IMPG2: variants seen among roughly 807,000 people sequenced by gnomAD.
IMPG2 encodes IPM 200.
Under a neutral mutation model 129.2 loss-of-function variants are expected in IMPG2, and 91 were observed. The ratio of observed to expected loss-of-function variants is 0.70; its 90% CI spans 0.59 to 0.84. The LOEUF is 0.84. Ranked by LOEUF, IMPG2 falls within the 40% of genes least tolerant of loss-of-function variation. The pLI, the probability that IMPG2 is intolerant of heterozygous loss-of-function variation, is 0.00. For synonymous variants in IMPG2, 510 were observed against 517.7 expected (o/e 0.99, Z 0.20); for missense variants, 1,430 against 1,461.7 (o/e 0.98, Z 0.35).
chr3:101,319,911 T>C, intron 1 of IMPG2, 79 bp from the exon 2 acceptor site: 6 of 1,450,424 alleles, frequency 4.1e-6, no homozygotes, highest in Non-Finnish European at 5.7e-6. Flanking sequence ...AAACTGACAC[T>C]TGGGCTACAT....
Position 101,256,461 on chromosome 3 carries a change from G to T in IMPG2, c.1153+1068C>A, listed in dbSNP as rs946646316. Among the ~76,000 whole-genome samples the T allele has an allele frequency of 5.9e-5, 9 of 152,034 alleles. No homozygotes were observed. In the South Asian group the frequency reaches 1.9e-3, roughly 32 times the overall value. ...CCAAGCCCCAACTCAAAAAAATCTT[G>T]ATTCCTATGTTCTTCCCTACCTTGC... On this transcript the variant is annotated intron_variant, in intron 10 of 18. Transcript: ENST00000193391.
chr3:101,243,686 C>A lies in IMPG2; in HGVS notation c.2645G>T (p.Trp882Leu), dbSNP rs1576747979. 6.2e-7 allele frequency: 1 copy of A among 1,614,058 alleles called. No homozygotes were observed. Reference sequence around the variant, plus strand: ...CAAGTCATCTCCTCCTTCTGTGGGCCAAGCCACACTAACCATCTCTGTGGA... The same window carrying A: ...CAAGTCATCTCCTCCTTCTGTGGGCAAAGCCACACTAACCATCTCTGTGGA... Reference protein sequence around the residue: ...VHSTEMVSVAWPTEGGDDLSY... With the variant: ...VHSTEMVSVALPTEGGDDLSY... Residue 882 changes from tryptophan to leucine, a missense_variant, in exon 13 of 19, where the codon TGG becomes TTG. Coordinates refer to ENST00000193391, the MANE Select transcript of IMPG2 (RefSeq NM_016247.4).
intron 14 of IMPG2, 133 bp from the exon 15 acceptor site, chr3:101,233,124 G>T: frequency 1.3e-6 from 1 of 776,502 alleles, no homozygotes; most frequent in Non-Finnish European, 2.2e-6. Flanking sequence ...GTACACCATC[G>T]CCACCAATAC....
At chr3:101,267,935 T>C (rs1706739297) in intron 8 of IMPG2, among the ~76,000 whole-genome samples, 1 of 152,154 alleles carries the variant, frequency 6.6e-6, no homozygotes, top group African/African-American at 2.4e-5. Context: ...TAGGTAAATG[T>C]CAGGACTGAC....
intron 4 of IMPG2, among the ~76,000 whole-genome samples, chr3:101,290,011 ATGAT>A (rs1462586303): frequency 6.6e-6 from 1 of 151,654 alleles, no homozygotes; most frequent in Admixed American, 6.6e-5. Flanking sequence ...TTGTGACGAA[ATGAT>A]TGATATAGCT....
At chr3:101,265,930 G>A (rs1706716995) in intron 9 of IMPG2, among the ~76,000 whole-genome samples, 1 of 151,954 alleles carries the variant, frequency 6.6e-6, no homozygotes, top group Admixed American at 6.6e-5. Context: ...CATAGAAATG[G>A]CCAAAAAATA....
intron 11 of IMPG2, among the ~76,000 whole-genome samples, chr3:101,250,640 C>T (rs916484194): frequency 2.0e-5 from 3 of 152,166 alleles, no homozygotes; most frequent in Non-Finnish European, 4.4e-5. Context: ...AGCTATTCAT[C>T]CAGAGGTCTC....
At chr3:101,268,509 T>C (rs935272168) in intron 8 of IMPG2, among the ~76,000 whole-genome samples, 1 of 152,168 alleles carries the variant, frequency 6.6e-6, no homozygotes, top group Non-Finnish European at 1.5e-5. Flanking sequence ...TAAACAACAC[T>C]GGGAAAATTA....
chr3:101,241,709 A>T (rs1706409689), intron 14 of IMPG2, among the ~76,000 whole-genome samples: 1 of 152,136 alleles, frequency 6.6e-6, no homozygotes, highest in Non-Finnish European at 1.5e-5. Context: ...TAAAAGCTCC[A>T]GGTGTTAGGA....
At chr3:101,238,319 T>TCC (rs1706369608) in intron 14 of IMPG2, among the ~76,000 whole-genome samples, 1 of 152,010 alleles carries the variant, frequency 6.6e-6, no homozygotes, top group Admixed American at 6.6e-5. Context: ...CAGGAGAACT[T>TCC]CCCCAACCTA....
chr3:101,228,688 G>T, intron 18 of IMPG2, 109 bp downstream of exon 18: 1 of 845,218 alleles, frequency 1.2e-6, no homozygotes, highest in Non-Finnish European at 2.0e-6. Flanking sequence ...TTATCACGGA[G>T]ACTCCTGTCA....
chr3:101,241,561 C>T (rs757760145), intron 14 of IMPG2, among the ~76,000 whole-genome samples: 3 of 151,998 alleles, frequency 2.0e-5, no homozygotes, highest in African/African-American at 7.2e-5. Context: ...GGAGGAGGAG[C>T]ACGAGAGGAT....
chr3:101,295,747 G>A (rs1303372212), intron 3 of IMPG2, among the ~76,000 whole-genome samples: 2 of 152,042 alleles, frequency 1.3e-5, no homozygotes, highest in Non-Finnish European at 2.9e-5. Context: ...AACAGTGAGT[G>A]GTTTGTAGTT....
intron 11 of IMPG2, among the ~76,000 whole-genome samples, chr3:101,248,431 T>C (rs1706508507): frequency 6.6e-6 from 1 of 152,154 alleles, no homozygotes; most frequent in Non-Finnish European, 1.5e-5. Context: ...CAGTCTCAGG[T>C]ATGTCTTTAT....
At chr3:101,268,746 C>A (rs200906072) in intron 8 of IMPG2, among the ~76,000 whole-genome samples, 2 of 152,206 alleles carry the variant, frequency 1.3e-5, no homozygotes, top group East Asian at 3.9e-4. Context: ...TAAACTTGGG[C>A]TAGAGCATCA....
At chr3:101,307,708 G>A (rs1317519176) in intron 2 of IMPG2, among the ~76,000 whole-genome samples, 2 of 152,086 alleles carry the variant, frequency 1.3e-5, no homozygotes, top group African/African-American at 4.8e-5. Flanking sequence ...ATTTTGGGTG[G>A]GGATACAGGC....
At chr3:101,295,872 A>G (rs1330158261) in intron 3 of IMPG2, among the ~76,000 whole-genome samples, 2 of 152,072 alleles carry the variant, frequency 1.3e-5, no homozygotes, top group African/African-American at 4.8e-5. Context: ...CTTGTCTATA[A>G]TTGGTGTATA....
intron 7 of IMPG2, among the ~76,000 whole-genome samples, chr3:101,270,087 G>A (rs1367224347): frequency 1.3e-5 from 2 of 151,664 alleles, no homozygotes; most frequent in Admixed American, 6.6e-5. Context: ...ACAGGTGTGC[G>A]CCACCATGCT....
At chr3:101,293,810 A>G (rs1226715842) in intron 3 of IMPG2, among the ~76,000 whole-genome samples, 1 of 152,204 alleles carries the variant, frequency 6.6e-6, no homozygotes, top group Non-Finnish European at 1.5e-5. Flanking sequence ...CTTATGTTAT[A>G]AAGATAGCTT....
Sources: allele counts gnomAD v4.1 joint callset (sites outside exome capture counted in the v4.1 genomes callset), GRCh38; gene constraint gnomAD v4.1.1; transcripts MANE v1.5; gene names NCBI Gene and HGNC (gene_info 2026-07-23, HGNC 2026-07-21).